NTMT2: variants seen among roughly 807,000 people sequenced by gnomAD.
The protein encoded by NTMT2 is X-Pro-Lys N-terminal protein methyltransferase 1B.
In NTMT2, 21 loss-of-function variants were observed where a neutral mutation model predicts 23.4. That is an observed-to-expected ratio of 0.90 (90% CI 0.64 to 1.29). The LOEUF is 1.29. Ranked by LOEUF, NTMT2 falls within the 50% of genes most tolerant of loss-of-function variation. NTMT2 has a pLI of 0.00. For synonymous variants in NTMT2, 131 were observed against 127.7 expected (o/e 1.03, Z -0.17); for missense variants, 336 against 352.0 (o/e 0.95, Z 0.36).
At chr1:170,167,453 C>T (rs1673416311) in intron 3 of NTMT2, 33 bp from the exon 4 acceptor site, 1 of 1,511,240 alleles carries the variant, frequency 6.6e-7, no homozygotes, top group Non-Finnish European at 8.9e-7. Flanking sequence ...ACCATTTCTT[C>T]CTGTTCCCCC....
intron 2 of NTMT2, among the ~76,000 whole-genome samples, chr1:170,164,499 G>A (rs1158546415): frequency 3.9e-5 from 6 of 152,098 alleles, no homozygotes; most frequent in African/African-American, 2.4e-5. Flanking sequence ...TCATGCCTAG[G>A]CCTTTTTCTG....
chr1:170,158,553 TA>T (rs548070341), intron 1 of NTMT2, among the ~76,000 whole-genome samples: 23 of 151,694 alleles, frequency 1.5e-4, no homozygotes, highest in South Asian at 2.1e-4. Context: ...AATGTGGCTT[TA>T]AAAAAAAATC....
At chr1:170,146,959 C>A (rs1672975857) in intron 1 of NTMT2, among the ~76,000 whole-genome samples, 1 of 152,182 alleles carries the variant, frequency 6.6e-6, no homozygotes, top group Non-Finnish European at 1.5e-5. Context: ...CTAAACAGCA[C>A]TGAAGAGGAA....
intron 2 of NTMT2, among the ~76,000 whole-genome samples, chr1:170,166,140 C>CTTTTT (rs3040077): frequency 3.0e-5 from 2 of 67,792 alleles, no homozygotes; most frequent in Admixed American, 2.3e-4. Flanking sequence ...TTTTTTTTTT[C>CTTTTT]TTTTTTTTTT....
chr1:170,146,213 A>T lies in NTMT2; in HGVS notation c.106A>T (p.Asn36Tyr). 6.4e-7 allele frequency: 1 copy of T among 1,551,044 alleles called. No individual in the cohort carries two copies. The highest frequency in any genetic ancestry group is 2.4e-5 in the East Asian group (1 of 40,894). ...TTTTATCCTTCACAAAGCCATTCGC[A>T]ATGACTTCTTTCAGAGCTATCTCTA... ...MSFILHKAIR[N>Y]DFFQSYLYLL... The change falls in exon 1 of 4, where the codon AAT (asparagine) becomes TAT (tyrosine). Residue 36 changes from asparagine to tyrosine, a missense_variant. Asn to Tyr is a moderately radical substitution (Grantham distance 143, BLOSUM62 -2). Coordinates refer to ENST00000439373, the MANE Select transcript of NTMT2 (RefSeq NM_001136107.2).
At chr1:170,165,232 C>T (rs1465302127) in intron 2 of NTMT2, among the ~76,000 whole-genome samples, 2 of 152,124 alleles carry the variant, frequency 1.3e-5, no homozygotes, top group East Asian at 3.8e-4. Context: ...CTTCATAAAT[C>T]AGAAAAGTTT....
intron 1 of NTMT2, among the ~76,000 whole-genome samples, chr1:170,156,153 TA>T (rs750878345): frequency 2.0e-5 from 3 of 152,170 alleles, no homozygotes; most frequent in Non-Finnish European, 4.4e-5. Context: ...CCTTCATGGT[TA>T]AGGTCTTATG....
intron 2 of NTMT2, among the ~76,000 whole-genome samples, chr1:170,166,140 C>CTTTTTTTTTTTTTTT (rs3040077): frequency 5.7e-4 from 39 of 67,830 alleles, no homozygotes; most frequent in South Asian, 1.3e-3. Context: ...TTTTTTTTTT[C>CTTTTTTTTTTTTTTT]TTTTTTTTTT....
At chr1:170,165,212 C>T (rs1673356055) in intron 2 of NTMT2, among the ~76,000 whole-genome samples, 1 of 152,112 alleles carries the variant, frequency 6.6e-6, no homozygotes, top group Non-Finnish European at 1.5e-5. Context: ...ATAATTTAGA[C>T]CATCTGAATC....
chr1:170,168,240 CAAAAA>C lies in NTMT2; in HGVS notation c.*493_*497del, dbSNP rs57166192. ...CAGATAAAGCATTTGTCTACTCAAACAAAAAAAAAAAAAAGAAAAAGAAACAATGC... is the reference window on the plus strand; with the variant it reads ...CAGATAAAGCATTTGTCTACTCAAACAAAAAAAAAGAAAAAGAAACAATGC... On this transcript the variant is annotated 3_prime_UTR_variant, in exon 4 of 4. Transcript: ENST00000439373. Among the ~76,000 whole-genome samples the C allele has an allele frequency of 3.4e-5, 4 of 116,824 alleles. No individual in the cohort carries two copies. Among genetic ancestry groups the C allele is most frequent in the Admixed American group, 8.9e-5 (1 of 11,174 alleles). 76.6% of individuals were successfully genotyped at this position (116,824 alleles called of 152,430 possible).
At position 170,159,827 on chromosome 1, in the gene NTMT2, A is replaced by C. The variant is rs563482941; in HGVS notation, c.155-691A>C. 7.9e-5 allele frequency among the ~76,000 whole-genome samples: 12 copies of C among 152,306 alleles called. No individual in the cohort carries two copies. In the South Asian group the frequency reaches 1.7e-3, roughly 21 times the overall value. On this transcript the variant is annotated intron_variant, in intron 1 of 3. Transcript: ENST00000439373. Reference sequence around the variant, plus strand: ...GCAAAACACACTTACGTGTACTCTCATTTATTCCTCAGAAGTTGGAACACA... The same window carrying C: ...GCAAAACACACTTACGTGTACTCTCCTTTATTCCTCAGAAGTTGGAACACA...
chr1:170,146,847 C>T (rs1417572448), intron 1 of NTMT2, among the ~76,000 whole-genome samples: 1 of 140,544 alleles, frequency 7.1e-6, no homozygotes, highest in East Asian at 2.0e-4. Context: ...TTGTTATCTC[C>T]TCTAGTTTTC....
intron 2 of NTMT2, among the ~76,000 whole-genome samples, chr1:170,163,779 T>G (rs1309631754): frequency 6.6e-6 from 1 of 152,208 alleles, no homozygotes; most frequent in African/African-American, 2.4e-5. Flanking sequence ...AAATTCCTAA[T>G]AGTGTTTTAC....
chr1:170,157,279 AT>A (rs1431441305), intron 1 of NTMT2, among the ~76,000 whole-genome samples: 1 of 152,136 alleles, frequency 6.6e-6, no homozygotes, highest in East Asian at 1.9e-4. Context: ...GCTAATTTGT[AT>A]GTAAAATAGC....
intron 2 of NTMT2, among the ~76,000 whole-genome samples, chr1:170,163,877 T>C (rs980947508): frequency 3.9e-5 from 6 of 152,186 alleles, no homozygotes; most frequent in African/African-American, 1.4e-4. Context: ...ATCCCATCAC[T>C]TTGGGACGCT....
In NTMT2 at chr1:170,168,240, CAA is replaced by C. The variant is rs57166192; in HGVS notation, c.*496_*497del. ...CAGATAAAGCATTTGTCTACTCAAA[CAA>C]AAAAAAAAAAAAGAAAAAGAAACAA... is the stretch of plus-strand genomic sequence containing the variant. On this transcript the variant is annotated 3_prime_UTR_variant, in exon 4 of 4. Coordinates refer to ENST00000439373, the MANE Select transcript of NTMT2 (RefSeq NM_001136107.2). Among the ~76,000 whole-genome samples the C allele has an allele frequency of 5.1e-5, 6 of 116,796 alleles. No homozygotes were observed. Among genetic ancestry groups the C allele is most frequent in the African/African-American group, 5.9e-5 (2 of 33,796 alleles). 76.6% of individuals were successfully genotyped at this position (116,796 alleles called of 152,430 possible).
chr1:170,148,132 T>A (rs1319912076), intron 1 of NTMT2, among the ~76,000 whole-genome samples: 2 of 145,324 alleles, frequency 1.4e-5, no homozygotes, highest in Non-Finnish European at 3.0e-5. Flanking sequence ...CACTGTCTCC[T>A]GAGGCACTCC....
Position 170,167,516 on chromosome 1 carries a change from T to A in NTMT2, c.611T>A (p.Phe204Tyr). The change falls in exon 4 of 4, where the codon TTT becomes TAT. Residue 204 changes from phenylalanine (F) to tyrosine (Y), a missense_variant. Phe to Tyr is a conservative substitution (Grantham distance 22). Transcript: ENST00000439373. ...CTGACTGATAAGGACCTTCTTGCAT[T>A]TCTTTCCCGGTGCCGAGATGGCCTG... ...GHLTDKDLLA[F>Y]LSRCRDGLKE... 6.4e-7 allele frequency: 1 copy of A among 1,551,524 alleles called. No individual in the cohort carries two copies. The highest frequency in any genetic ancestry group is 8.7e-7 in the Non-Finnish European group (1 of 1,146,870).
intron 2 of NTMT2, among the ~76,000 whole-genome samples, chr1:170,161,307 A>G (rs1456561732): frequency 6.6e-6 from 1 of 152,180 alleles, no homozygotes; most frequent in Non-Finnish European, 1.5e-5. Flanking sequence ...AAAAAAAAAA[A>G]AAAAGTTAGA....
Sources: gnomAD v4.1 joint callset for allele counts (sites outside exome capture counted in the v4.1 genomes callset) on GRCh38, gnomAD v4.1.1 for gene constraint, MANE v1.5 for transcripts, NCBI Gene and HGNC (gene_info 2026-07-23, HGNC 2026-07-21) for gene names.